Variants in SCHIP1 observed in about 807,000 individuals in gnomAD.
SCHIP1 encodes the protein schwannomin-interacting protein 1.
SCHIP1 carries 8 observed loss-of-function variants against 29.7 expected under a neutral mutation model. The ratio of observed to expected loss-of-function variants is 0.27; its 90% CI spans 0.16 to 0.49. The LOEUF (loss-of-function observed/expected upper bound fraction) is 0.49, where lower values mean the gene tolerates loss of function less well. SCHIP1 is among the 20% of genes least tolerant of loss of function. SCHIP1 has a pLI of 0.99. For synonymous variants in SCHIP1, 76 were observed against 94.9 expected (o/e 0.80, Z 1.16); for missense variants, 193 against 294.6 (o/e 0.66, Z 2.52).
the SCHIP1 span, among the ~76,000 whole-genome samples, chr3:159,434,442 T>C: frequency 6.6e-6 from 1 of 151,998 alleles, no homozygotes; most frequent in Non-Finnish European, 1.5e-5. Flanking sequence ...AAAAAAAGTC[T>C]GGTGTTAGAT....
chr3:159,841,986 T>C (rs1318898038), intron 1 of SCHIP1, among the ~76,000 whole-genome samples: 1 of 152,186 alleles, frequency 6.6e-6, no homozygotes, highest in Non-Finnish European at 1.5e-5. Context: ...AGCCAAATCT[T>C]AATCCCACTT....
the SCHIP1 span, among the ~76,000 whole-genome samples, chr3:159,560,881 T>C: frequency 1.3e-5 from 2 of 152,230 alleles, no homozygotes; most frequent in Admixed American, 6.5e-5. Flanking sequence ...AGGACAGCTC[T>C]GCGATGGTGT....
At chr3:159,407,352 T>A in the SCHIP1 span, among the ~76,000 whole-genome samples, 1 of 152,190 alleles carries the variant, frequency 6.6e-6, no homozygotes, top group African/African-American at 2.4e-5. Context: ...ATTTTAAATA[T>A]ATATGCAATC....
At chr3:159,390,948 T>C in the SCHIP1 span, among the ~76,000 whole-genome samples, 2 of 152,174 alleles carry the variant, frequency 1.3e-5, no homozygotes, top group African/African-American at 4.8e-5. Flanking sequence ...TATCCTTTCA[T>C]ACAATCAGTT....
the SCHIP1 span, among the ~76,000 whole-genome samples, chr3:159,752,876 T>C: frequency 6.6e-6 from 1 of 152,244 alleles, no homozygotes; most frequent in Non-Finnish European, 1.5e-5. Context: ...CTTATTTGAC[T>C]TCATTTATTC....
At chr3:159,831,576 C>G in the SCHIP1 span, among the ~76,000 whole-genome samples, 1 of 152,122 alleles carries the variant, frequency 6.6e-6, no homozygotes, top group Non-Finnish European at 1.5e-5. Context: ...ATGCCAGCAT[C>G]ATGGCTCTTG....
At chr3:159,593,819 T>G in the SCHIP1 span, among the ~76,000 whole-genome samples, 5 of 152,230 alleles carry the variant, frequency 3.3e-5, no homozygotes, top group Non-Finnish European at 7.3e-5. Flanking sequence ...TAGATCATGC[T>G]ACTGCAAATG....
the SCHIP1 span, among the ~76,000 whole-genome samples, chr3:159,680,645 A>AAATACATATAATT: frequency 3.6e-5 from 3 of 83,320 alleles, no homozygotes; most frequent in African/African-American, 1.6e-4. Context: ...TATATTATAT[A>AAATACATATAATT]ATATATGTAT....
At chr3:159,512,607 G>A in the SCHIP1 span, among the ~76,000 whole-genome samples, 1 of 152,112 alleles carries the variant, frequency 6.6e-6, no homozygotes, top group African/African-American at 2.4e-5. Context: ...ATATTTATGA[G>A]GTACATGAGA....
chr3:159,287,628 G>A, the SCHIP1 span, among the ~76,000 whole-genome samples: 15 of 152,024 alleles, frequency 9.9e-5, no homozygotes, highest in African/African-American at 1.4e-4. Context: ...CTAAGCGTTC[G>A]TCTAAGTATT....
chr3:159,676,263 C>T, the SCHIP1 span, among the ~76,000 whole-genome samples: 1 of 152,134 alleles, frequency 6.6e-6, no homozygotes, highest in Admixed American at 6.5e-5. Context: ...AGGTAGCTTC[C>T]TTTATCTACA....
chr3:159,290,338 T>C, the SCHIP1 span, among the ~76,000 whole-genome samples: 2 of 152,172 alleles, frequency 1.3e-5, no homozygotes, highest in African/African-American at 2.4e-5. Flanking sequence ...TGTACTTGTA[T>C]GTTTTTGTTT....
the SCHIP1 span, among the ~76,000 whole-genome samples, chr3:159,678,474 G>A: frequency 1.3e-5 from 2 of 151,980 alleles, no homozygotes; most frequent in Non-Finnish European, 2.9e-5. Flanking sequence ...TACTTTTATC[G>A]GTAAAGTTTT....
At chr3:159,377,966 T>G in the SCHIP1 span, among the ~76,000 whole-genome samples, 1 of 152,182 alleles carries the variant, frequency 6.6e-6, no homozygotes, top group African/African-American at 2.4e-5. Context: ...GGCCCTGTTA[T>G]GTGGGAGCAG....
the SCHIP1 span, among the ~76,000 whole-genome samples, chr3:159,396,389 T>C: frequency 1.4e-5 from 2 of 148,002 alleles, no homozygotes; most frequent in Non-Finnish European, 3.0e-5. Context: ...ATTTTGCTCA[T>C]TAGTTGATGC....
chr3:159,395,783 A>G, the SCHIP1 span, among the ~76,000 whole-genome samples: 2 of 151,412 alleles, frequency 1.3e-5, no homozygotes, highest in African/African-American at 4.8e-5. Flanking sequence ...GTGCTGAAAA[A>G]AATGTATATT....
chr3:159,655,086 G>C, the SCHIP1 span, among the ~76,000 whole-genome samples: 1 of 152,164 alleles, frequency 6.6e-6, no homozygotes, highest in Non-Finnish European at 1.5e-5. Context: ...TCAACTCCCA[G>C]CTCTACCATT....
chr3:159,502,623 C>T, the SCHIP1 span, among the ~76,000 whole-genome samples: 1 of 152,008 alleles, frequency 6.6e-6, no homozygotes, highest in African/African-American at 2.4e-5. Context: ...AGGTATATCT[C>T]CTAATGCTAT....
At chr3:159,487,772 T>C in the SCHIP1 span, among the ~76,000 whole-genome samples, 6 of 152,302 alleles carry the variant, frequency 3.9e-5, no homozygotes, top group South Asian at 1.0e-3. Flanking sequence ...AGAATCACCT[T>C]CTTAGTATGA....
Sources: allele counts gnomAD v4.1 joint callset (sites outside exome capture counted in the v4.1 genomes callset), GRCh38; gene constraint gnomAD v4.1.1; transcripts MANE v1.5; gene names NCBI Gene and HGNC (gene_info 2026-07-23, HGNC 2026-07-21).